The following MAF variants were observed in gnomAD, a reference collection of about 807,000 sequenced individuals.
The protein encoded by MAF is MAF bZIP transcription factor.
In MAF, 10 loss-of-function variants were observed where a neutral mutation model predicts 22.0. The observed-to-expected ratio is 0.45, with a 90% CI of 0.28 to 0.77. The LOEUF is 0.77. Ranked by LOEUF, MAF falls within the 30% of genes least tolerant of loss-of-function variation. The pLI is 0.12. For missense variants in MAF, 544 were observed against 548.4 expected (o/e 0.99, Z 0.08); for synonymous variants, 337 against 255.8 (o/e 1.32, Z -3.03).
At chr16:79,282,455 T>C in the MAF span, among the ~76,000 whole-genome samples, 1 of 152,140 alleles carries the variant, frequency 6.6e-6, no homozygotes, top group Non-Finnish European at 1.5e-5. Flanking sequence ...AAGGAAAATA[T>C]TAATGGTGTC....
the MAF span, among the ~76,000 whole-genome samples, chr16:79,232,406 A>T: frequency 6.6e-6 from 1 of 152,196 alleles, no homozygotes; most frequent in East Asian, 1.9e-4. Context: ...TTTTGGTAAC[A>T]CCTGCAGCAG....
At chr16:79,582,903 G>C (rs1912611266), downstream of MAF, among the ~76,000 whole-genome samples, 1 of 152,094 alleles carries the variant, frequency 6.6e-6, no homozygotes. Flanking sequence ...GTGAAGATGG[G>C]GTCAAGACCA....
the MAF span, among the ~76,000 whole-genome samples, chr16:79,494,380 C>T: frequency 6.6e-6 from 1 of 152,216 alleles, no homozygotes; most frequent in Admixed American, 6.5e-5. Context: ...GTGGCTCTCA[C>T]CTCCCAGAGG....
At chr16:79,529,961 C>A in the MAF span, among the ~76,000 whole-genome samples, 21 of 145,154 alleles carry the variant, frequency 1.4e-4, no homozygotes, top group African/African-American at 3.8e-4. Flanking sequence ...AACTCCATCT[C>A]AAAAAAAAAA....
chr16:79,557,113 C>A, the MAF span, among the ~76,000 whole-genome samples: 4 of 152,062 alleles, frequency 2.6e-5, no homozygotes, highest in East Asian at 7.7e-4. Flanking sequence ...GCACCCAGCT[C>A]ACGTACAAGC....
At chr16:79,373,359 CTTTTTTTTTTTTTTTTTTTTT>C in the MAF span, among the ~76,000 whole-genome samples, 42 of 33,328 alleles carry the variant, frequency 1.3e-3, 1 homozygote, top group Admixed American at 6.1e-3. Context: ...GGACTGGTAG[CTTTTTTTTTTTTTTTTTTTTT>C]TTTTTTTTTT....
chr16:79,570,775 G>C, the MAF span, among the ~76,000 whole-genome samples: 14 of 152,290 alleles, frequency 9.2e-5, no homozygotes, highest in African/African-American at 2.9e-4. Context: ...AATACAACTG[G>C]TCCTTCTGAG....
downstream of MAF, among the ~76,000 whole-genome samples, chr16:79,590,409 A>C (rs536629443): frequency 1.6e-4 from 25 of 152,196 alleles, no homozygotes; most frequent in Admixed American, 4.6e-4. Flanking sequence ...GTCTGTGTCT[A>C]CACTTAAAGT....
chr16:79,510,502 A>T, the MAF span, among the ~76,000 whole-genome samples: 1 of 152,146 alleles, frequency 6.6e-6, no homozygotes, highest in African/African-American at 2.4e-5. Flanking sequence ...TGGGTTCCAG[A>T]ATAGAGGCAG....
the MAF span, among the ~76,000 whole-genome samples, chr16:79,331,580 G>A: frequency 2.6e-5 from 4 of 152,206 alleles, 1 homozygote. Context: ...CGCATCTCTG[G>A]CCTGGACCAT....
the MAF span, among the ~76,000 whole-genome samples, chr16:79,458,563 A>G: frequency 6.6e-6 from 1 of 152,202 alleles, no homozygotes; most frequent in Admixed American, 6.5e-5. Context: ...ATCAGTGACG[A>G]CCAGCTCATG....
the MAF span, among the ~76,000 whole-genome samples, chr16:79,416,043 A>G: frequency 6.6e-6 from 1 of 152,202 alleles, no homozygotes; most frequent in Admixed American, 6.5e-5. Flanking sequence ...GCGCCCGAGC[A>G]CAGCACCTGT....
chr16:79,487,020 G>C, the MAF span, among the ~76,000 whole-genome samples: 1 of 151,998 alleles, frequency 6.6e-6, no homozygotes, highest in Non-Finnish European at 1.5e-5. Flanking sequence ...TGGTGGTCGA[G>C]GTGAGAGAGG....
At chr16:79,255,723 G>A in the MAF span, among the ~76,000 whole-genome samples, 1 of 152,154 alleles carries the variant, frequency 6.6e-6, no homozygotes, top group Non-Finnish European at 1.5e-5. Context: ...GCCATCAGAG[G>A]TGGACGCTCA....
At chr16:79,433,802 A>G in the MAF span, among the ~76,000 whole-genome samples, 685 of 152,062 alleles carry the variant, frequency 4.5e-3, 4 homozygotes, top group Middle Eastern at 0.021. Context: ...AAAATTGAGG[A>G]ATTCTACGTT....
the MAF span, among the ~76,000 whole-genome samples, chr16:79,519,094 C>T: frequency 1.3e-5 from 2 of 152,206 alleles, no homozygotes; most frequent in East Asian, 3.9e-4. Flanking sequence ...TTTCACTTTC[C>T]AAAGTTCCTC....
chr16:79,513,384 C>A, the MAF span, among the ~76,000 whole-genome samples: 1 of 152,202 alleles, frequency 6.6e-6, no homozygotes, highest in Non-Finnish European at 1.5e-5. Flanking sequence ...AGCATGAGAA[C>A]AATGAAAGAG....
the MAF span, among the ~76,000 whole-genome samples, chr16:79,309,263 A>G: frequency 6.6e-6 from 1 of 152,128 alleles, no homozygotes; most frequent in Admixed American, 6.5e-5. Context: ...TGATGCCTTG[A>G]GCTATGACCA....
chr16:79,574,717 G>C, the MAF span, among the ~76,000 whole-genome samples: 1 of 152,136 alleles, frequency 6.6e-6, no homozygotes, highest in Non-Finnish European at 1.5e-5. Flanking sequence ...GAGGCTTCTA[G>C]ACACCAACTT....
Sources: gnomAD v4.1 joint callset for allele counts (sites outside exome capture counted in the v4.1 genomes callset) on GRCh38, gnomAD v4.1.1 for gene constraint, MANE v1.5 for transcripts, NCBI Gene and HGNC (gene_info 2026-07-23, HGNC 2026-07-21) for gene names.